Variants in PLXNA1 observed in about 807,000 individuals in gnomAD.
PLXNA1 encodes the protein plexin-A1.
In PLXNA1, 77 loss-of-function variants were observed where a neutral mutation model predicts 191.7. That is an observed-to-expected ratio of 0.40 (90% CI 0.33 to 0.49). The LOEUF is 0.49. PLXNA1 is among the 20% of genes least tolerant of loss of function. The pLI is 0.63. For synonymous variants in PLXNA1, 1,137 were observed against 1,156.4 expected (o/e 0.98, Z 0.34); for missense variants, 2,110 against 2,660.2 (o/e 0.79, Z 4.55).
In PLXNA1 at chr3:127,014,332, C is replaced by T. The variant is rs373519407; in HGVS notation, c.2561C>T (p.Ala854Val). 24 of 1,596,760 alleles carry T rather than the reference C, an allele frequency of 1.5e-5. No individual in the cohort carries two copies. The highest frequency in any genetic ancestry group is 8.4e-5 in the Admixed American group (5 of 59,372). ...AADTPASWMH[A>V]RHGSSRCTDP... ...GACACACCTGCATCGTGGATGCACG[C>T]GCGTCACGGCAGCAGTCGCTGCACC... is the stretch of plus-strand genomic sequence containing the variant. Residue 854 changes from alanine to valine, a missense_variant, in exon 12 of 32, where the codon GCG becomes GTG. Ala to Val is a moderately conservative substitution (Grantham distance 64). Around this residue, in one of 4 missense-constraint regions of PLXNA1, gnomAD observed 644 missense variants for 714.3 expected, o/e 0.90. Coordinates refer to ENST00000393409, the MANE Select transcript of PLXNA1 (RefSeq NM_032242.4).
At chr3:126,992,844 C>G (rs977653435) in intron 3 of PLXNA1, among the ~76,000 whole-genome samples, 4 of 152,100 alleles carry the variant, frequency 2.6e-5, no homozygotes, top group Non-Finnish European at 4.4e-5. Context: ...GGCTCTGGTG[C>G]GAGGCCCCTC....
At chr3:127,026,466 G>A (rs1269709970) in intron 23 of PLXNA1, 1 of 152,198 alleles carries the variant, frequency 6.6e-6, no homozygotes. Flanking sequence ...ACTCTCTGAG[G>A]CCAGGCCTGG....
chr3:127,005,661 A>G (rs923304062), intron 7 of PLXNA1, among the ~76,000 whole-genome samples: 1 of 149,516 alleles, frequency 6.7e-6, no homozygotes, highest in East Asian at 2.0e-4. Flanking sequence ...AAGGGACCAC[A>G]TGGCGGAGAC....
intron 3 of PLXNA1, among the ~76,000 whole-genome samples, chr3:127,000,700 C>T (rs1034170225): frequency 1.3e-5 from 2 of 152,334 alleles, no homozygotes; most frequent in South Asian, 4.1e-4. Context: ...AGGCCCTTCA[C>T]CCTGAACTCT....
At position 127,032,767 on chromosome 3, in the gene PLXNA1, C is replaced by A; in HGVS notation, c.5526C>A (p.His1842Gln). ...SAYLAEQSRL[H>Q]LSQFNSMSAL... ...ATCTGGCTGAGCAGTCCCGCCTGCA[C>A]CTGAGCCAGTTCAACAGCATGAGCG... The change falls in exon 31 of 32, where the codon CAC (histidine) becomes CAA (glutamine). Residue 1842 changes from histidine to glutamine, a missense_variant. Coordinates refer to ENST00000393409, the MANE Select transcript of PLXNA1 (RefSeq NM_032242.4). The A allele has an allele frequency of 6.2e-7, 1 of 1,613,486 alleles. No individual in the cohort carries two copies. The highest frequency in any genetic ancestry group is 8.5e-7 in the Non-Finnish European group (1 of 1,180,022).
chr3:127,020,157 G>A lies in PLXNA1; in HGVS notation c.3896-45G>A, dbSNP rs373010077. ...GAGTGGGAGGGTTGGGGCATGGAGCGGGGCCACCAGGGCATGCTGCCCCTG... is the reference window on the plus strand; with the variant it reads ...GAGTGGGAGGGTTGGGGCATGGAGCAGGGCCACCAGGGCATGCTGCCCCTG... On this transcript the variant is annotated intron_variant, in intron 20 of 31. Transcript: ENST00000393409. 158 of 1,603,682 alleles carry A rather than the reference G, an allele frequency of 9.9e-5. No individual in the cohort carries two copies. In the African/African-American group the frequency reaches 1.7e-3, roughly 18 times the overall value.
chr3:127,016,629 A>C lies in PLXNA1; in HGVS notation c.3127A>C (p.Asn1043His). The change falls in exon 16 of 32, where the codon AAC becomes CAC. Residue 1043 changes from asparagine (N) to histidine (H), a missense_variant. Coordinates refer to ENST00000393409, the MANE Select transcript of PLXNA1 (RefSeq NM_032242.4). ...AQLTNPEVKY[N>H]YTEDPTILRI... is the part of the protein sequence containing the mutation. The stretch of plus-strand genomic sequence containing the variant: ...GCTCACCAACCCTGAGGTGAAGTAC[A>C]ACTACACCGAGGACCCCACCATCCT... 6.2e-7 allele frequency: 1 copy of C among 1,613,876 alleles called. No individual in the cohort carries two copies. Among genetic ancestry groups the C allele is most frequent in the Non-Finnish European group, 8.5e-7 (1 of 1,179,872 alleles).
At position 127,035,441 on chromosome 3, in the gene PLXNA1, G is replaced by C. The variant is rs2079236321; in HGVS notation, c.*1424G>C. 1 of 152,358 alleles carries C rather than the reference G, an allele frequency of 6.6e-6. No individual in the cohort carries two copies. Among genetic ancestry groups the C allele is most frequent in the Non-Finnish European group, 1.5e-5 (1 of 68,016 alleles). 9.4% of individuals were successfully genotyped at this position (152,358 alleles called of 1,614,324 possible). A position where few individuals can be genotyped will look rare whatever the true frequency, so the allele number is the denominator to read the frequency against. Reference sequence around the variant, plus strand: ...TGTGCCCCCCGACCTGCGGGCCGCTGTTTTGGTTTGACATGACAAGGAAAG... The same window carrying C: ...TGTGCCCCCCGACCTGCGGGCCGCTCTTTTGGTTTGACATGACAAGGAAAG... On this transcript the variant is annotated 3_prime_UTR_variant, in exon 32 of 32. Coordinates refer to ENST00000393409, the MANE Select transcript of PLXNA1 (RefSeq NM_032242.4).
chr3:127,010,467 G>A (rs1188885052), intron 9 of PLXNA1, among the ~76,000 whole-genome samples: 1 of 152,192 alleles, frequency 6.6e-6, no homozygotes, highest in African/African-American at 2.4e-5. Flanking sequence ...GGGTGTTGGG[G>A]AGGAGATGGG....
At chr3:127,006,348 G>C (rs909811698) in intron 8 of PLXNA1, among the ~76,000 whole-genome samples, 170 bp downstream of exon 8, 7 of 152,098 alleles carry the variant, frequency 4.6e-5, no homozygotes, top group Non-Finnish European at 1.0e-4. Flanking sequence ...GGAGGGAGGA[G>C]AGGCCACTGT....
At chr3:126,984,851 A>C (rs1339990409) in intron 1 of PLXNA1, among the ~76,000 whole-genome samples, 3 of 152,166 alleles carry the variant, frequency 2.0e-5, no homozygotes, top group Admixed American at 6.5e-5. Flanking sequence ...GCTGGCCGGG[A>C]GGAGCGGGTG....
intron 22 of PLXNA1, 22 bp downstream of exon 22, chr3:127,022,363 G>A (rs1279976772): frequency 6.3e-7 from 1 of 1,599,786 alleles, no homozygotes; most frequent in African/African-American, 1.3e-5. Flanking sequence ...GGGCACTGGG[G>A]TTGGGGGAGG....
At chr3:127,009,909 T>G (rs2079087563) in intron 9 of PLXNA1, among the ~76,000 whole-genome samples, 1 of 152,194 alleles carries the variant, frequency 6.6e-6, no homozygotes, top group African/African-American at 2.4e-5. Context: ...CGCTGAGAAG[T>G]CGGGACTTTC....
At chr3:127,030,464 G>A in intron 29 of PLXNA1, 52 bp downstream of exon 29, 2 of 1,598,128 alleles carry the variant, frequency 1.3e-6, no homozygotes, top group Non-Finnish European at 1.7e-6. Flanking sequence ...GGCCAGATGT[G>A]TTCCCAGGGC....
At chr3:126,987,364 C>T (rs920612991) in intron 1 of PLXNA1, among the ~76,000 whole-genome samples, 1 of 152,150 alleles carries the variant, frequency 6.6e-6, no homozygotes, top group African/African-American at 2.4e-5. Context: ...GCGCTGACCT[C>T]GTGTGCAGGT....
chr3:127,017,630 T>C lies in PLXNA1; in HGVS notation c.3482T>C (p.Leu1161Pro). ...GAGCCACTCAGCCCCACTGGCCTGCTGGAGCTGAAGCCCAGCTCCCCACTC... is the reference window on the plus strand; with the variant it reads ...GAGCCACTCAGCCCCACTGGCCTGCCGGAGCTGAAGCCCAGCTCCCCACTC... ...VLEPLSPTGL[L>P]ELKPSSPLIL... Residue 1161 changes from leucine (L) to proline (P), a missense_variant, in exon 18 of 32, where the codon CTG becomes CCG. Leu to Pro is a moderately conservative substitution (Grantham distance 98). Coordinates refer to ENST00000393409, the MANE Select transcript of PLXNA1 (RefSeq NM_032242.4). 1 of 1,613,572 alleles carries C rather than the reference T, an allele frequency of 6.2e-7. No homozygotes were observed. Among genetic ancestry groups the C allele is most frequent in the East Asian group, 2.2e-5 (1 of 44,862 alleles).
Position 127,014,546 on chromosome 3 carries a change from G to T in PLXNA1, c.2673G>T (p.Leu891=). The T allele has an allele frequency of 6.2e-7, 1 of 1,611,818 alleles. No individual in the cohort carries two copies. The change falls in exon 13 of 32, where the codon CTG becomes CTT. Residue 891 remains leucine (L), a synonymous_variant. Coordinates refer to ENST00000393409, the MANE Select transcript of PLXNA1 (RefSeq NM_032242.4). ...RLTITGENLG[L]RFEDVRLGVR... ...CTATCACAGGCGAGAACCTGGGCCT[G>T]CGATTCGAAGACGTGCGTCTGGGCG...
intron 7 of PLXNA1, among the ~76,000 whole-genome samples, chr3:127,005,677 G>T (rs2079064236): frequency 1.3e-5 from 2 of 151,786 alleles, no homozygotes; most frequent in South Asian, 2.1e-4. Context: ...GAGACCTGGG[G>T]TCTTGCGGGG....
intron 27 of PLXNA1, among the ~76,000 whole-genome samples, 156 bp downstream of exon 27, chr3:127,029,692 G>C (rs2079196744): frequency 6.6e-6 from 1 of 152,242 alleles, no homozygotes; most frequent in South Asian, 2.1e-4. Flanking sequence ...TCCAGCTCTG[G>C]AGGCTGCGCC....
Sources: allele counts gnomAD v4.1 joint callset (sites outside exome capture counted in the v4.1 genomes callset), GRCh38; gene constraint gnomAD v4.1.1; regional missense constraint gnomAD v4.1.1; transcripts MANE v1.5; gene names NCBI Gene and HGNC (gene_info 2026-07-23, HGNC 2026-07-21).